DAB1: variants seen among roughly 807,000 people sequenced by gnomAD.
DAB1 encodes the protein disabled homolog 1.
A neutral mutation model predicts 64.6 loss-of-function variants in DAB1; 15 were observed. The observed-to-expected ratio is 0.23, with a 90% CI of 0.16 to 0.36. The LOEUF (loss-of-function observed/expected upper bound fraction) is 0.36. Among genes scored for constraint, DAB1 ranks in the 10% least tolerant of loss-of-function variants. DAB1 has a pLI of 1.00. For synonymous variants in DAB1, 235 were observed against 251.9 expected (o/e 0.93, Z 0.64); for missense variants, 596 against 706.7 (o/e 0.84, Z 1.78).
At chr1:58,098,393 A>G (rs1043631828) in intron 5 of DAB1, among the ~76,000 whole-genome samples, 1 of 152,152 alleles carries the variant, frequency 6.6e-6, no homozygotes, top group Non-Finnish European at 1.5e-5. Flanking sequence ...GGTGGCTTGC[A>G]TAGACAGGGC....
At chr1:58,470,365 G>T (rs1645344190) in intron 3 of DAB1, among the ~76,000 whole-genome samples, 1 of 151,930 alleles carries the variant, frequency 6.6e-6, no homozygotes, top group Admixed American at 6.6e-5. Flanking sequence ...GTAGAGATGG[G>T]GTTTTGCCAT....
chr1:57,804,912 T>C (rs1651292143), intron 6 of DAB1, among the ~76,000 whole-genome samples: 1 of 152,232 alleles, frequency 6.6e-6, no homozygotes, highest in Non-Finnish European at 1.5e-5. Context: ...AATTGGAGAT[T>C]TGTATTTTTT....
chr1:57,681,416 T>TC lies in DAB1; in HGVS notation n.552-31752dup, dbSNP rs1646635083. Among the ~76,000 whole-genome samples the TC allele has an allele frequency of 2.6e-5, 4 of 152,204 alleles. No individual in the cohort carries two copies. The South Asian group carries it at 8.3e-4, about 31-fold the overall frequency. ...TTCTAAGGTACTGGGTACTTGGACT[T>TC]CAAGATATCTTTTTGTTGGGGGTGG... On this transcript the variant is annotated intron_variant and non_coding_transcript_variant, in intron 6 of 20. Transcript: ENST00000485760.
intron 5 of DAB1, among the ~76,000 whole-genome samples, chr1:58,030,043 T>C (rs2100477099): frequency 6.6e-6 from 1 of 152,052 alleles, no homozygotes; most frequent in East Asian, 1.9e-4. Context: ...CCGTCTCTAC[T>C]AAAAATACAA....
At chr1:57,953,050 A>G (rs1330206636) in intron 5 of DAB1, among the ~76,000 whole-genome samples, 3 of 152,212 alleles carry the variant, frequency 2.0e-5, no homozygotes, top group East Asian at 1.9e-4. Flanking sequence ...GGTGGCTCCC[A>G]TGGAGTCTCA....
At chr1:57,151,115 AG>A (rs1357160360) in intron 2 of DAB1, among the ~76,000 whole-genome samples, 4 of 152,216 alleles carry the variant, frequency 2.6e-5, no homozygotes, top group Admixed American at 1.3e-4. Flanking sequence ...ATGCACTCAA[AG>A]GGCAGACAAA....
chr1:57,278,758 AGGTGTTTAGAAG>A (rs1671666686), intron 2 of DAB1, among the ~76,000 whole-genome samples: 1 of 152,184 alleles, frequency 6.6e-6, no homozygotes, highest in Non-Finnish European at 1.5e-5. Flanking sequence ...AAATTGCGCA[AGGTGTTTAGAAG>A]GGACACACAA....
intron 7 of DAB1, among the ~76,000 whole-genome samples, chr1:57,479,922 G>C (rs1002569446): frequency 1.3e-5 from 2 of 152,072 alleles, no homozygotes; most frequent in African/African-American, 4.8e-5. Context: ...GGGAGGCCGA[G>C]ACGGGCGGAT....
At chr1:58,169,188 G>T (rs902200466) in intron 4 of DAB1, among the ~76,000 whole-genome samples, 5 of 152,168 alleles carry the variant, frequency 3.3e-5, no homozygotes, top group African/African-American at 4.8e-5. Flanking sequence ...ACCGTTGCAG[G>T]TTCTTGGGCA....
At chr1:58,093,810 G>A (rs1323525185) in intron 5 of DAB1, among the ~76,000 whole-genome samples, 2 of 152,252 alleles carry the variant, frequency 1.3e-5, no homozygotes, top group South Asian at 2.1e-4. Flanking sequence ...GACTGGGAAC[G>A]GGAGCCTAGG....
intron 1 of DAB1, chr1:58,538,936 G>A: frequency 2.3e-6 from 2 of 872,898 alleles, no homozygotes; most frequent in Non-Finnish European, 2.0e-6. Context: ...ATGCAATACT[G>A]ACAGACTAGG....
At chr1:58,202,470 C>A (rs1200278916) in intron 4 of DAB1, among the ~76,000 whole-genome samples, 11 of 152,176 alleles carry the variant, frequency 7.2e-5, no homozygotes, top group Non-Finnish European at 1.5e-5. Flanking sequence ...GGATTTATTT[C>A]TCCTCCTCTT....
chr1:58,274,892 T>G (rs1474958842), intron 4 of DAB1, among the ~76,000 whole-genome samples: 2 of 151,956 alleles, frequency 1.3e-5, no homozygotes, highest in Non-Finnish European at 2.9e-5. Flanking sequence ...CCCACTGGCC[T>G]GCGCCCACTG....
At chr1:58,048,681 C>T (rs1647410518) in intron 5 of DAB1, 2 of 1,314,522 alleles carry the variant, frequency 1.5e-6, no homozygotes, top group Middle Eastern at 2.5e-4. Context: ...CCTCCACGAC[C>T]ACCACCAAAG....
chr1:58,408,155 C>T (rs146620839), intron 3 of DAB1, among the ~76,000 whole-genome samples: 1 of 152,352 alleles, frequency 6.6e-6, no homozygotes, highest in Non-Finnish European at 1.5e-5. Flanking sequence ...TCTGGTTTAA[C>T]AGGCCATCCA....
At chr1:57,009,293 T>C (rs1646191230) in intron 14 of DAB1, among the ~76,000 whole-genome samples, 1 of 152,188 alleles carries the variant, frequency 6.6e-6, no homozygotes, top group East Asian at 1.9e-4. Flanking sequence ...TCCTGAAACA[T>C]TGACTTTGCT....
chr1:57,655,448 ACATCCACCCATCTATCCTTC>A (rs929728663), intron 6 of DAB1, among the ~76,000 whole-genome samples: 74 of 152,230 alleles, frequency 4.9e-4, no homozygotes, highest in African/African-American at 1.7e-3. Flanking sequence ...CATCATTCAT[ACATCCACCCATCTATCCTTC>A]CATCCACCCA....
intron 3 of DAB1, among the ~76,000 whole-genome samples, chr1:58,464,285 G>C (rs532385215): frequency 7.2e-4 from 109 of 152,330 alleles, no homozygotes; most frequent in Non-Finnish European, 1.2e-3. Flanking sequence ...TATTTGTACA[G>C]GTCCTTCCCA....
In DAB1 at chr1:57,403,699, A is replaced by G. The variant is rs1057240005; in HGVS notation, c.-137+20231T>C. Among the ~76,000 whole-genome samples, 4 of 152,172 alleles carry G rather than the reference A, an allele frequency of 2.6e-5. No individual in the cohort carries two copies. The East Asian group carries it at 7.7e-4, about 29-fold the overall frequency. On this transcript the variant is annotated intron_variant, in intron 1 of 14. Coordinates refer to ENST00000371236, the MANE Select transcript of DAB1 (RefSeq NM_001365792.1). ...CCAGAAAAAAACAAATTTTTTATGG[A>G]TATGTCAGTATGGAAAACAAAATCC...
Sources: gnomAD v4.1 joint callset for allele counts (sites outside exome capture counted in the v4.1 genomes callset) on GRCh38, gnomAD v4.1.1 for gene constraint, MANE v1.5 for transcripts, NCBI Gene and HGNC (gene_info 2026-07-23, HGNC 2026-07-21) for gene names.